The following ADCY8 variants were observed in gnomAD, a reference collection of about 807,000 sequenced individuals.
ADCY8 encodes the protein adenylate cyclase type 8.
In ADCY8, 51 loss-of-function variants were observed where a neutral mutation model predicts 119.7. The ratio of observed to expected loss-of-function variants is 0.43; its 90% CI spans 0.34 to 0.54. The LOEUF (loss-of-function observed/expected upper bound fraction) is 0.54, where lower values mean the gene tolerates loss of function less well. Among genes scored for constraint, ADCY8 ranks in the 20% least tolerant of loss-of-function variants. The pLI is 0.03. For synonymous variants in ADCY8, 665 were observed against 651.0 expected (o/e 1.02, Z -0.33); for missense variants, 1,383 against 1,598.8 (o/e 0.87, Z 2.30).
chr8:130,982,712 G>A (rs1170614465), intron 2 of ADCY8, among the ~76,000 whole-genome samples: 1 of 151,322 alleles, frequency 6.6e-6, no homozygotes, highest in Non-Finnish European at 1.5e-5. Context: ...AAATTAGCCA[G>A]AAACAGTTGA....
At position 130,907,849 on chromosome 8, in the gene ADCY8, G is replaced by A. The variant is rs150310122; in HGVS notation, c.1640+1859C>T. Among the ~76,000 whole-genome samples, 23 of 152,244 alleles carry A rather than the reference G, an allele frequency of 1.5e-4. No homozygotes were observed. The East Asian group carries it at 4.2e-3, about 28-fold the overall frequency. On this transcript the variant is annotated intron_variant, in intron 6 of 17. Coordinates refer to ENST00000286355, the MANE Select transcript of ADCY8 (RefSeq NM_001115.3). ...GTAAGAAGGAACCCTCACACAGGTA[G>A]TGAACATACTACCCAACAGGTAGTT...
At chr8:130,792,059 C>T (rs964797158) in intron 15 of ADCY8, among the ~76,000 whole-genome samples, 2 of 152,364 alleles carry the variant, frequency 1.3e-5, no homozygotes, top group Non-Finnish European at 1.5e-5. Context: ...TGCCATGCCA[C>T]TGAAACTGCT....
intron 1 of ADCY8, among the ~76,000 whole-genome samples, chr8:131,029,619 C>A (rs1023565026): frequency 6.6e-6 from 1 of 151,954 alleles, no homozygotes; most frequent in Non-Finnish European, 1.5e-5. Context: ...TAATTCAGGC[C>A]CATAACTTTT....
chr8:130,933,517 C>T (rs1820696372), intron 5 of ADCY8, among the ~76,000 whole-genome samples: 1 of 152,152 alleles, frequency 6.6e-6, no homozygotes, highest in Admixed American at 6.5e-5. Flanking sequence ...AATTCCAGGG[C>T]TCCTATTAAT....
chr8:130,941,664 G>A (rs978685686), intron 4 of ADCY8, among the ~76,000 whole-genome samples: 7 of 152,094 alleles, frequency 4.6e-5, no homozygotes, highest in East Asian at 1.9e-4. Flanking sequence ...CTCCGCCCCC[G>A]TCAGTCTCCT....
intron 2 of ADCY8, among the ~76,000 whole-genome samples, chr8:130,960,622 A>G (rs12155837): frequency 0.8 from 121,447 of 151,940 alleles, 51,551 homozygotes; most frequent in East Asian, 0.95. Flanking sequence ...GGGAGTGGAC[A>G]GGACAACTAC....
intron 2 of ADCY8, among the ~76,000 whole-genome samples, chr8:130,953,140 T>G (rs2130662401): frequency 6.6e-6 from 1 of 152,312 alleles, no homozygotes; most frequent in East Asian, 1.9e-4. Context: ...TTTACTGTGA[T>G]AGATGAAGTT....
intron 11 of ADCY8, among the ~76,000 whole-genome samples, chr8:130,845,558 C>G (rs1472119926): frequency 6.6e-6 from 1 of 152,144 alleles, no homozygotes; most frequent in African/African-American, 2.4e-5. Context: ...GCCACTTACT[C>G]TCTCCAAAAG....
At chr8:130,816,743 A>G (rs1381877808) in intron 13 of ADCY8, among the ~76,000 whole-genome samples, 1 of 152,204 alleles carries the variant, frequency 6.6e-6, no homozygotes, top group Non-Finnish European at 1.5e-5. Context: ...TAATTTATTA[A>G]AACATTAACA....
chr8:130,991,417 G>A (rs908504318), intron 1 of ADCY8, among the ~76,000 whole-genome samples: 1 of 152,136 alleles, frequency 6.6e-6, no homozygotes, highest in African/African-American at 2.4e-5. Flanking sequence ...AAAGAACCCG[G>A]TGAAAGAAAA....
At chr8:131,022,432 T>TC (rs1185302724) in intron 1 of ADCY8, among the ~76,000 whole-genome samples, 2 of 152,192 alleles carry the variant, frequency 1.3e-5, no homozygotes, top group Non-Finnish European at 2.9e-5. Flanking sequence ...TTCATCCATG[T>TC]CCCTGTAAAG....
At chr8:130,791,094 C>T (rs1259112794) in intron 15 of ADCY8, among the ~76,000 whole-genome samples, 4 of 152,184 alleles carry the variant, frequency 2.6e-5, no homozygotes, top group Admixed American at 6.5e-5. Flanking sequence ...TACTTTTTGG[C>T]TTCAAAGTCA....
intron 9 of ADCY8, among the ~76,000 whole-genome samples, chr8:130,859,015 C>T (rs1817840239): frequency 6.6e-6 from 1 of 151,926 alleles, no homozygotes; most frequent in Non-Finnish European, 1.5e-5. Flanking sequence ...TATTTCCTGT[C>T]TCACTGTTAG....
chr8:130,795,123 G>T (rs138467414), intron 15 of ADCY8, among the ~76,000 whole-genome samples: 24 of 152,324 alleles, frequency 1.6e-4, no homozygotes, highest in Non-Finnish European at 1.0e-4. Context: ...AGATTAAAAA[G>T]TAGACTGGAA....
Position 130,882,701 on chromosome 8 carries a change from T to C in ADCY8, c.2109+1863A>G, listed in dbSNP as rs1586527305. ...AGCTCATAATAACATCTACTTTTTA[T>C]TACTGTTTTTGTCAGTTGATTTATG... On this transcript the variant is annotated intron_variant, in intron 8 of 17. Transcript: ENST00000286355. 2.0e-5 allele frequency among the ~76,000 whole-genome samples: 3 copies of C among 152,218 alleles called. No individual in the cohort carries two copies. The East Asian group carries it at 5.8e-4, about 29-fold the overall frequency.
intron 1 of ADCY8, among the ~76,000 whole-genome samples, chr8:131,028,729 A>G (rs1422036834): frequency 6.6e-6 from 1 of 152,194 alleles, no homozygotes; most frequent in Non-Finnish European, 1.5e-5. Flanking sequence ...TTTAAGCTGT[A>G]GGAAACAGTG....
chr8:130,981,553 G>C (rs779074409), intron 2 of ADCY8, among the ~76,000 whole-genome samples: 6 of 152,178 alleles, frequency 3.9e-5, no homozygotes, highest in Non-Finnish European at 8.8e-5. Context: ...GAGTTCTTCA[G>C]TGGCTCCTGC....
At chr8:130,966,152 C>T (rs1364264805) in intron 2 of ADCY8, among the ~76,000 whole-genome samples, 1 of 152,200 alleles carries the variant, frequency 6.6e-6, no homozygotes, top group Admixed American at 6.5e-5. Context: ...ACAAAAGAGT[C>T]TGCATGACTC....
intron 1 of ADCY8, among the ~76,000 whole-genome samples, chr8:131,035,217 G>A (rs531511470): frequency 5.3e-5 from 8 of 152,024 alleles, no homozygotes; most frequent in Admixed American, 1.3e-4. Flanking sequence ...GATTGGGTGC[G>A]GTTTCATAAG....
Sources: gnomAD v4.1 joint callset for allele counts (sites outside exome capture counted in the v4.1 genomes callset) on GRCh38, gnomAD v4.1.1 for gene constraint, MANE v1.5 for transcripts, NCBI Gene and HGNC (gene_info 2026-07-23, HGNC 2026-07-21) for gene names.